The following TTBK2 variants were observed in gnomAD, a reference collection of about 807,000 sequenced individuals.
TTBK2 encodes tau tubulin kinase 2, also known as tau-tubulin kinase 2.
Under a neutral mutation model 110.8 loss-of-function variants are expected in TTBK2, and 28 were observed. That is an observed-to-expected ratio of 0.25 (90% CI 0.19 to 0.35). The LOEUF is 0.35. Ranked by LOEUF, TTBK2 falls within the 10% of genes least tolerant of loss-of-function variation. TTBK2 has a pLI of 1.00. For missense variants in TTBK2, 1,369 were observed against 1,500.3 expected, an observed-to-expected ratio of 0.91 and a Z score of 1.45; for synonymous variants, 532 against 527.3, an observed-to-expected ratio of 1.01 and a Z score of -0.12.
intron 10 of TTBK2, among the ~76,000 whole-genome samples, chr15:42,790,732 C>G (rs1219093460): frequency 1.3e-5 from 2 of 152,076 alleles, no homozygotes; most frequent in Non-Finnish European, 1.5e-5. Flanking sequence ...CGGAGTCTCA[C>G]GTTGTTGCCC....
chr15:42,878,540 TAC>T lies in TTBK2; in HGVS notation c.69+7_69+8del. On this transcript the variant is annotated splice_region_variant and intron_variant, in intron 2 of 14. Transcript: ENST00000267890. Reference sequence around the variant, plus strand: ...ACACACACACACACTCTCTGAGATGTACACTCACCACTTTCCATCTTTCTTTC... The same window carrying T: ...ACACACACACACACTCTCTGAGATGTACTCACCACTTTCCATCTTTCTTTC... 4 of 1,610,094 alleles carry T rather than the reference TAC, an allele frequency of 2.5e-6. No individual in the cohort carries two copies. Among genetic ancestry groups the T allele is most frequent in the Non-Finnish European group, 3.4e-6 (4 of 1,179,346 alleles).
At chr15:42,816,514 G>A (rs1465625756) in intron 7 of TTBK2, among the ~76,000 whole-genome samples, 4 of 151,926 alleles carry the variant, frequency 2.6e-5, no homozygotes, top group Non-Finnish European at 4.4e-5. Flanking sequence ...TATTATCCAC[G>A]ATACACTATA....
chr15:42,879,085 C>T (rs1894936596), intron 1 of TTBK2, among the ~76,000 whole-genome samples: 1 of 152,016 alleles, frequency 6.6e-6, no homozygotes, highest in Non-Finnish European at 1.5e-5. Flanking sequence ...ATCATTAGAG[C>T]TAATAATATT....
intron 1 of TTBK2, among the ~76,000 whole-genome samples, chr15:42,899,750 A>G (rs1052452298): frequency 1.3e-5 from 2 of 150,900 alleles, no homozygotes; most frequent in Admixed American, 6.6e-5. Flanking sequence ...AAAAGAAAAA[A>G]ATTAGCCAGG....
chr15:42,878,086 T>C (rs1289504866), intron 2 of TTBK2, among the ~76,000 whole-genome samples: 2 of 149,816 alleles, frequency 1.3e-5, no homozygotes, highest in Non-Finnish European at 3.0e-5. Context: ...GCCATTCTCC[T>C]GCCTCAACCT....
intron 9 of TTBK2, 55 bp from the exon 10 acceptor site, chr15:42,794,856 T>C: frequency 6.2e-7 from 1 of 1,601,966 alleles, no homozygotes; most frequent in Non-Finnish European, 8.5e-7. Context: ...AGTCACTTTA[T>C]TCTATAAGAG....
At chr15:42,765,331 G>A (rs1889309614) in intron 13 of TTBK2, among the ~76,000 whole-genome samples, 1 of 152,190 alleles carries the variant, frequency 6.6e-6, no homozygotes, top group African/African-American at 2.4e-5. Context: ...AGCTAAAGGA[G>A]GATGTTTGAA....
chr15:42,771,753 C>T (rs1889688415), intron 13 of TTBK2, among the ~76,000 whole-genome samples: 1 of 152,138 alleles, frequency 6.6e-6, no homozygotes, highest in African/African-American at 2.4e-5. Context: ...TTTTCTCGAT[C>T]TCTAAGAAAC....
chr15:42,850,902 T>C (rs1364585913), intron 3 of TTBK2, among the ~76,000 whole-genome samples: 1 of 151,282 alleles, frequency 6.6e-6, no homozygotes, highest in Non-Finnish European at 1.5e-5. Context: ...AAAGAAGCAG[T>C]TTGCAGGTGA....
intron 9 of TTBK2, chr15:42,801,463 G>A (rs550809416): frequency 2.1e-5 from 17 of 807,002 alleles, no homozygotes; most frequent in Middle Eastern, 2.8e-4. Flanking sequence ...TCTCAGCTTG[G>A]AGCCAGCTGA....
intron 2 of TTBK2, 133 bp downstream of exon 2, chr15:42,878,416 T>C: frequency 1.3e-6 from 2 of 1,511,542 alleles, no homozygotes; most frequent in Non-Finnish European, 8.9e-7. Flanking sequence ...GCTTTAGGCA[T>C]ATAAGTAATG....
Position 42,890,117 on chromosome 15 carries a change from G to C in TTBK2, c.-67-11433C>G, listed in dbSNP as rs934569634. On this transcript the variant is annotated intron_variant, in intron 1 of 14. Coordinates refer to ENST00000267890, the MANE Select transcript of TTBK2 (RefSeq NM_173500.4). ...TGATTTGTTTCTCCCCCACCCTTAA[G>C]AAGGTTCTTTGTAATTCTCCCCACC... is the stretch of plus-strand genomic sequence containing the variant. Among the ~76,000 whole-genome samples, 3 of 152,202 alleles carry C rather than the reference G, an allele frequency of 2.0e-5. No homozygotes were observed. In the East Asian group the frequency reaches 5.8e-4, roughly 29 times the overall value.
chr15:42,839,835 T>G (rs898047940), intron 4 of TTBK2, among the ~76,000 whole-genome samples: 83 of 152,298 alleles, frequency 5.4e-4, no homozygotes, highest in African/African-American at 1.9e-3. Context: ...TTCTTCACCT[T>G]CCTTGCTAAT....
chr15:42,814,369 A>C (rs1891854643), intron 7 of TTBK2, among the ~76,000 whole-genome samples: 1 of 152,192 alleles, frequency 6.6e-6, no homozygotes, highest in African/African-American at 2.4e-5. Context: ...GCTTGAGGCC[A>C]GGAGTTTGAG....
At chr15:42,910,841 C>T (rs572583326) in intron 1 of TTBK2, among the ~76,000 whole-genome samples, 4 of 151,930 alleles carry the variant, frequency 2.6e-5, no homozygotes, top group African/African-American at 9.7e-5. Context: ...GTGAGGAGTT[C>T]GAGACCAGCC....
intron 6 of TTBK2, among the ~76,000 whole-genome samples, chr15:42,819,259 G>A (rs139530377): frequency 3.3e-3 from 491 of 150,864 alleles, no homozygotes; most frequent in South Asian, 7.5e-3. Flanking sequence ...ACAAGGTCAA[G>A]AGATCGACAC....
rs536322846 is a variant in TTBK2, at chr15:42,745,112, A to G, written c.*683T>C. The G allele has an allele frequency of 6.5e-6, 1 of 154,532 alleles. No individual in the cohort carries two copies. Among genetic ancestry groups the G allele is most frequent in the Non-Finnish European group, 1.5e-5 (1 of 68,276 alleles). The allele number at this position is 154,532 out of a possible 1,614,324, so 9.6% of individuals were successfully genotyped here. On this transcript the variant is annotated 3_prime_UTR_variant, in exon 15 of 15. Transcript: ENST00000267890. ...GTTAAGAACTCTTGCTCTAAAAAAA[A>G]AAAATCAGGGGGACCTAAAAAAAAG...
chr15:42,771,867 T>A (rs548113670), intron 13 of TTBK2, among the ~76,000 whole-genome samples: 11 of 152,162 alleles, frequency 7.2e-5, no homozygotes, highest in Admixed American at 6.6e-5. Flanking sequence ...GAACACCAAG[T>A]CTAGCCTACC....
chr15:42,887,231 T>C (rs1300352955), intron 1 of TTBK2, among the ~76,000 whole-genome samples: 2 of 152,146 alleles, frequency 1.3e-5, no homozygotes, highest in African/African-American at 4.8e-5. Flanking sequence ...AGCTCCCTTA[T>C]TAGGTCAAGA....
Sources: gnomAD v4.1 joint callset for allele counts (sites outside exome capture counted in the v4.1 genomes callset) on GRCh38, gnomAD v4.1.1 for gene constraint, MANE v1.5 for transcripts, NCBI Gene and HGNC (gene_info 2026-07-23, HGNC 2026-07-21) for gene names.